Variants in CHCHD3 observed in about 807,000 individuals in gnomAD.
CHCHD3 encodes MICOS complex subunit MIC19.
In CHCHD3, 20 loss-of-function variants were observed where a neutral mutation model predicts 38.2. The observed-to-expected ratio is 0.52, with a 90% CI of 0.37 to 0.76. The LOEUF (loss-of-function observed/expected upper bound fraction) is 0.76, where lower values mean the gene tolerates loss of function less well. CHCHD3 is among the 30% of genes least tolerant of loss of function. CHCHD3 has a pLI of 0.00. For synonymous variants in CHCHD3, 82 were observed against 100.0 expected, an observed-to-expected ratio of 0.82 and a Z score of 1.07; for missense variants, 245 against 279.2, an observed-to-expected ratio of 0.88 and a Z score of 0.87.
chr7:133,043,599 T>C (rs1271518161), intron 2 of CHCHD3, among the ~76,000 whole-genome samples: 2 of 149,352 alleles, frequency 1.3e-5, no homozygotes, highest in African/African-American at 2.5e-5. Context: ...TGAGCCGAGA[T>C]AGCGCCACTG....
At chr7:132,831,447 G>T (rs1585553957) in intron 6 of CHCHD3, among the ~76,000 whole-genome samples, 1 of 152,180 alleles carries the variant, frequency 6.6e-6, no homozygotes, top group East Asian at 1.9e-4. Flanking sequence ...ACGTGTTAGA[G>T]AAGATGTTCA....
rs189600208 is a variant in CHCHD3 at position 132,991,098 on chromosome 7, T to G, written c.252-15812A>C. 8.2e-4 allele frequency among the ~76,000 whole-genome samples: 125 copies of G among 152,260 alleles called. 3 individuals are homozygous for G. The highest frequency in any genetic ancestry group is 3.0e-3 in the African/African-American group (123 of 41,558). ...GGAAAAAATAATTATACAAAGTCCCTTATTATTTTTGTAAATCAACTAGAC... is the reference window on the plus strand; with the variant it reads ...GGAAAAAATAATTATACAAAGTCCCGTATTATTTTTGTAAATCAACTAGAC... On this transcript the variant is annotated intron_variant, in intron 3 of 7. Coordinates refer to ENST00000262570, the MANE Select transcript of CHCHD3 (RefSeq NM_017812.4).
chr7:132,981,263 A>G (rs1409371264), intron 3 of CHCHD3, among the ~76,000 whole-genome samples: 1 of 151,886 alleles, frequency 6.6e-6, no homozygotes, highest in Non-Finnish European at 1.5e-5. Flanking sequence ...TGTCCACCTC[A>G]GCCTCCCAAA....
intron 5 of CHCHD3, among the ~76,000 whole-genome samples, chr7:132,861,320 C>T (rs144390178): frequency 1.8e-4 from 28 of 152,232 alleles, no homozygotes; most frequent in South Asian, 4.2e-4. Flanking sequence ...CTAAGTGTTT[C>T]GTCGTTAGAT....
At chr7:133,017,132 C>A (rs1279540287) in intron 3 of CHCHD3, among the ~76,000 whole-genome samples, 1 of 152,236 alleles carries the variant, frequency 6.6e-6, no homozygotes, top group Non-Finnish European at 1.5e-5. Flanking sequence ...TAGGCTGACA[C>A]AGCTCTAAGT....
At chr7:132,786,412 T>C (rs1806319882) in intron 7 of CHCHD3, among the ~76,000 whole-genome samples, 1 of 152,182 alleles carries the variant, frequency 6.6e-6, no homozygotes, top group Admixed American at 6.5e-5. Flanking sequence ...TTGGTACCTA[T>C]TCCCAGATTG....
At chr7:133,054,779 G>A (rs757648020) in intron 2 of CHCHD3, among the ~76,000 whole-genome samples, 1 of 152,030 alleles carries the variant, frequency 6.6e-6, no homozygotes, top group Non-Finnish European at 1.5e-5. Context: ...TTTAGTATGT[G>A]GTCTTTTGTG....
At chr7:132,895,037 T>C (rs1435855489) in intron 4 of CHCHD3, among the ~76,000 whole-genome samples, 1 of 152,190 alleles carries the variant, frequency 6.6e-6, no homozygotes, top group Non-Finnish European at 1.5e-5. Context: ...ATTTTATTGG[T>C]GAAAATGGTC....
chr7:132,804,212 C>T (rs181414993), intron 6 of CHCHD3, among the ~76,000 whole-genome samples: 1 of 152,254 alleles, frequency 6.6e-6, no homozygotes, highest in East Asian at 1.9e-4. Context: ...CAGAAATAAT[C>T]CTTCCCTATT....
At chr7:132,882,220 A>C (rs78428922) in intron 5 of CHCHD3, among the ~76,000 whole-genome samples, 11,121 of 152,144 alleles carry the variant, frequency 0.073, 488 homozygotes, top group South Asian at 0.16. Flanking sequence ...TTTGCAGATA[A>C]AGAACCAGAC....
intron 6 of CHCHD3, among the ~76,000 whole-genome samples, chr7:132,825,243 TA>T (rs35443952): frequency 1.3e-5 from 2 of 152,244 alleles, no homozygotes; most frequent in African/African-American, 2.4e-5. Flanking sequence ...TTAATATCTT[TA>T]AAAAAATAGA....
At chr7:132,821,811 G>A (rs993364844) in intron 6 of CHCHD3, among the ~76,000 whole-genome samples, 6 of 139,946 alleles carry the variant, frequency 4.3e-5, no homozygotes, top group Non-Finnish European at 7.5e-5. Flanking sequence ...GCCGGACTGC[G>A]GACTGCAGTG....
At chr7:132,807,517 G>A (rs1806954404) in intron 6 of CHCHD3, among the ~76,000 whole-genome samples, 1 of 150,612 alleles carries the variant, frequency 6.6e-6, no homozygotes, top group Non-Finnish European at 1.5e-5. Flanking sequence ...ATGGATGCTA[G>A]ACAGCAATGA....
At chr7:132,946,172 ATGTGTGTG>A (rs34177004) in intron 4 of CHCHD3, among the ~76,000 whole-genome samples, 1 of 150,528 alleles carries the variant, frequency 6.6e-6, no homozygotes, top group Admixed American at 6.6e-5. Flanking sequence ...GCCTTTATAT[ATGTGTGTG>A]TGTGTGTGTG....
chr7:133,045,305 A>C (rs1302177316), intron 2 of CHCHD3, among the ~76,000 whole-genome samples: 30 of 151,964 alleles, frequency 2.0e-4, no homozygotes, highest in Admixed American at 2.0e-3. Flanking sequence ...GCAATAAAAC[A>C]AACCTTTTCA....
intron 4 of CHCHD3, among the ~76,000 whole-genome samples, chr7:132,951,228 C>A (rs1290718448): frequency 2.0e-5 from 3 of 152,156 alleles, no homozygotes; most frequent in Non-Finnish European, 4.4e-5. Context: ...GGAAACTCCA[C>A]ACATCAACTA....
intron 6 of CHCHD3, among the ~76,000 whole-genome samples, chr7:132,801,450 C>G (rs1289291941): frequency 6.6e-6 from 1 of 152,192 alleles, no homozygotes; most frequent in African/African-American, 2.4e-5. Flanking sequence ...GCTCCAAAAG[C>G]TGCCTGCTTT....
At chr7:132,963,864 C>CA (rs1811392899) in intron 4 of CHCHD3, among the ~76,000 whole-genome samples, 4 of 152,076 alleles carry the variant, frequency 2.6e-5, no homozygotes, top group African/African-American at 9.7e-5. Flanking sequence ...CATTAGTTAA[C>CA]CTGCTGTTGA....
chr7:132,946,245 CAGAG>C (rs1380572109), intron 4 of CHCHD3, among the ~76,000 whole-genome samples: 3 of 151,516 alleles, frequency 2.0e-5, no homozygotes, highest in South Asian at 2.1e-4. Context: ...TATATACAGA[CAGAG>C]AGAAAGAGAA....
Sources: allele counts gnomAD v4.1 joint callset (sites outside exome capture counted in the v4.1 genomes callset), GRCh38; gene constraint gnomAD v4.1.1; transcripts MANE v1.5; gene names NCBI Gene and HGNC (gene_info 2026-07-23, HGNC 2026-07-21).